Variants in ZNRF1 observed in about 807,000 individuals in gnomAD.
The protein encoded by ZNRF1 is E3 ubiquitin-protein ligase ZNRF1.
A neutral mutation model predicts 18.4 loss-of-function variants in ZNRF1; 3 were observed. The ratio of observed to expected loss-of-function variants is 0.16; its 90% confidence interval spans 0.07 to 0.42. ZNRF1 has a LOEUF of 0.42. Ranked by LOEUF, ZNRF1 falls within the 10% of genes least tolerant of loss-of-function variation. ZNRF1 has a pLI of 0.99. For missense variants in ZNRF1, 310 were observed against 329.8 expected, an observed-to-expected ratio of 0.94 and a Z score of 0.47; for synonymous variants, 157 against 144.2, an observed-to-expected ratio of 1.09 and a Z score of -0.64.
At chr16:75,030,910 G>A (rs770789754) in intron 1 of ZNRF1, among the ~76,000 whole-genome samples, 13 of 145,926 alleles carry the variant, frequency 8.9e-5, no homozygotes, top group South Asian at 2.2e-4. Flanking sequence ...GCGTGATTTC[G>A]GTTCACTGCA....
At chr16:75,078,027 T>C (rs1448437814) in intron 1 of ZNRF1, among the ~76,000 whole-genome samples, 1 of 152,186 alleles carries the variant, frequency 6.6e-6, no homozygotes, top group Non-Finnish European at 1.5e-5. Context: ...GAGGTGGACA[T>C]GTTTGGGGAG....
chr16:75,018,697 T>A (rs920681699), intron 1 of ZNRF1, among the ~76,000 whole-genome samples: 1 of 152,226 alleles, frequency 6.6e-6, no homozygotes, highest in African/African-American at 2.4e-5. Context: ...ATTATGTTAA[T>A]AGATTTTCTA....
rs1010990157 is a variant in ZNRF1 at position 75,020,450 on chromosome 16, A to G, written c.424+20355A>G. 6.6e-5 allele frequency among the ~76,000 whole-genome samples: 10 copies of G among 152,080 alleles called. No homozygotes were observed. In the South Asian group the frequency reaches 1.5e-3, roughly 22 times the overall value. On this transcript the variant is annotated intron_variant, in intron 1 of 4. Transcript: ENST00000335325. Reference sequence around the variant, plus strand: ...TTTGATACCTTATGTAATTTATTTAATATCATTAAATACATTATTATTTCA... The same window carrying G: ...TTTGATACCTTATGTAATTTATTTAGTATCATTAAATACATTATTATTTCA...
At chr16:75,091,768 C>T (rs1169176563) in intron 1 of ZNRF1, among the ~76,000 whole-genome samples, 2 of 151,884 alleles carry the variant, frequency 1.3e-5, no homozygotes, top group Admixed American at 1.3e-4. Flanking sequence ...AACTCCTGAG[C>T]TCAAGCAGTC....
chr16:75,015,271 G>A lies in ZNRF1; in HGVS notation c.424+15176G>A, dbSNP rs114291632. ...TAAAAGTTTTAAAAATTTGCACTTT[G>A]TATTTAAATCCTTAATCCATGGGTA... On this transcript the variant is annotated intron_variant, in intron 1 of 4. Transcript: ENST00000335325. Among the ~76,000 whole-genome samples the A allele has an allele frequency of 7.9e-3, 1,198 of 152,254 alleles. 23 individuals are homozygous for A. Among genetic ancestry groups the A allele is most frequent in the African/African-American group, 0.027 (1,120 of 41,544 alleles).
chr16:75,055,679 A>C (rs1270439142), intron 1 of ZNRF1, among the ~76,000 whole-genome samples: 1 of 152,212 alleles, frequency 6.6e-6, no homozygotes, highest in Non-Finnish European at 1.5e-5. Context: ...TTTCTGCTGG[A>C]AAGGCATAAG....
At chr16:75,017,067 T>C (rs2035082027) in intron 1 of ZNRF1, among the ~76,000 whole-genome samples, 1 of 152,206 alleles carries the variant, frequency 6.6e-6, no homozygotes, top group Non-Finnish European at 1.5e-5. Context: ...TTTTTTTCCC[T>C]ACTATATTGC....
chr16:75,094,271 G>C (rs1438661278), intron 2 of ZNRF1, among the ~76,000 whole-genome samples: 1 of 152,202 alleles, frequency 6.6e-6, no homozygotes, highest in Non-Finnish European at 1.5e-5. Flanking sequence ...CTCCACCCTG[G>C]CCATGTTGCC....
chr16:75,023,359 G>C (rs1235181391), intron 1 of ZNRF1, among the ~76,000 whole-genome samples: 2 of 152,072 alleles, frequency 1.3e-5, no homozygotes, highest in African/African-American at 4.8e-5. Flanking sequence ...TCATTTAACA[G>C]TGACTGGACT....
intron 2 of ZNRF1, among the ~76,000 whole-genome samples, chr16:75,098,884 C>G (rs1229200646): frequency 2.0e-5 from 3 of 152,130 alleles, no homozygotes; most frequent in Non-Finnish European, 4.4e-5. Flanking sequence ...CTCCATACTT[C>G]TAGCAGTTCC....
At chr16:75,036,318 A>G (rs530390239) in intron 1 of ZNRF1, among the ~76,000 whole-genome samples, 3 of 151,994 alleles carry the variant, frequency 2.0e-5, no homozygotes, top group Non-Finnish European at 2.9e-5. Flanking sequence ...TTTAGTAGAG[A>G]TGGGGTTTTA....
chr16:75,106,246 C>T (rs1054008062), intron 3 of ZNRF1: 1 of 532,486 alleles, frequency 1.9e-6, no homozygotes, highest in African/African-American at 1.9e-5. Context: ...CCTGCAGCAC[C>T]AGATCCCCCT....
At chr16:75,082,781 T>C (rs560618952) in intron 1 of ZNRF1, among the ~76,000 whole-genome samples, 9 of 152,220 alleles carry the variant, frequency 5.9e-5, no homozygotes, top group Non-Finnish European at 1.0e-4. Flanking sequence ...CTTGAATACC[T>C]GAGATCAAGT....
At chr16:75,036,940 G>A (rs1421111935) in intron 1 of ZNRF1, among the ~76,000 whole-genome samples, 1 of 152,214 alleles carries the variant, frequency 6.6e-6, no homozygotes. Flanking sequence ...TGATTTGGGA[G>A]AGAAGAGAGA....
intron 1 of ZNRF1, among the ~76,000 whole-genome samples, chr16:75,038,549 A>G (rs2035402320): frequency 6.6e-6 from 1 of 152,212 alleles, no homozygotes; most frequent in Admixed American, 6.5e-5. Flanking sequence ...GGGGAAGGGC[A>G]GGAGAGGGGA....
At chr16:75,036,773 G>T (rs1452568944) in intron 1 of ZNRF1, among the ~76,000 whole-genome samples, 2 of 151,924 alleles carry the variant, frequency 1.3e-5, no homozygotes, top group Non-Finnish European at 2.9e-5. Context: ...CACCTGGATG[G>T]TATATGTTTG....
At chr16:75,072,083 G>A (rs777127544) in intron 1 of ZNRF1, among the ~76,000 whole-genome samples, 4 of 151,740 alleles carry the variant, frequency 2.6e-5, no homozygotes, top group Non-Finnish European at 5.9e-5. Flanking sequence ...GGACTACAAA[G>A]TGCATGCCGC....
At chr16:75,016,101 T>A (rs1352321305) in intron 1 of ZNRF1, among the ~76,000 whole-genome samples, 1 of 150,928 alleles carries the variant, frequency 6.6e-6, no homozygotes, top group Non-Finnish European at 1.5e-5. Context: ...TTTGTATTTT[T>A]AGTAGAGACG....
At chr16:75,074,269 T>C (rs2035910819) in intron 1 of ZNRF1, among the ~76,000 whole-genome samples, 1 of 152,196 alleles carries the variant, frequency 6.6e-6, no homozygotes, top group African/African-American at 2.4e-5. Flanking sequence ...CTTCTCTGCA[T>C]GTGTGTCAGC....
Sources: allele counts gnomAD v4.1 joint callset (sites outside exome capture counted in the v4.1 genomes callset), GRCh38; gene constraint gnomAD v4.1.1; transcripts MANE v1.5; gene names NCBI Gene and HGNC (gene_info 2026-07-23, HGNC 2026-07-21).